SEC22A: variants seen among roughly 807,000 people sequenced by gnomAD.
SEC22A encodes the protein SEC22 homolog A, vesicle trafficking protein.
A neutral mutation model predicts 35.3 loss-of-function variants in SEC22A; 22 were observed. That is an observed-to-expected ratio of 0.62 (90% confidence interval 0.45 to 0.89). The LOEUF is 0.89. Among genes scored for constraint, SEC22A ranks in the 40% least tolerant of loss-of-function variants. SEC22A has a pLI of 0.00. For synonymous variants in SEC22A, 119 were observed against 129.5 expected (o/e 0.92, Z 0.55); for missense variants, 354 against 362.5 (o/e 0.98, Z 0.19).
intron 5 of SEC22A, among the ~76,000 whole-genome samples, chr3:123,258,475 T>G (rs1288898804): frequency 1.3e-5 from 2 of 152,154 alleles, no homozygotes; most frequent in Non-Finnish European, 2.9e-5. Flanking sequence ...GTTTTAGAAT[T>G]ATTAAACTGG....
At chr3:123,228,351 G>A (rs1235845527) in intron 4 of SEC22A, among the ~76,000 whole-genome samples, 1 of 150,940 alleles carries the variant, frequency 6.6e-6, no homozygotes, top group Non-Finnish European at 1.5e-5. Flanking sequence ...GATCTCCTGG[G>A]GTTGGGAGTT....
rs776273031 is a variant in SEC22A at position 123,225,280 on chromosome 3, C to G, written c.524C>G (p.Ala175Gly). ...GCATTTTCTGTTGACTGTAAAGGTG[C>G]TGGTAAGATTTCTTCTGGTGAGTTC... ...TSAFSVDCKG[A>G]GKISSAHQRL... The change falls in exon 4 of 7, where the codon GCT (alanine) becomes GGT (glycine). Residue 175 changes from alanine (A) to glycine (G), a missense_variant. Coordinates refer to ENST00000492595, the MANE Select transcript of SEC22A (RefSeq NM_012430.5). 4.0e-5 allele frequency: 65 copies of G among 1,605,116 alleles called. No individual in the cohort carries two copies. The highest frequency in any genetic ancestry group is 5.4e-5 in the Non-Finnish European group (63 of 1,174,732).
rs1490406250 is a variant in SEC22A, at chr3:123,271,535, T to C, written c.737T>C (p.Val246Ala). 1 of 1,613,244 alleles carries C rather than the reference T, an allele frequency of 6.2e-7. No homozygotes were observed. Among genetic ancestry groups the C allele is most frequent in the East Asian group, 2.2e-5 (1 of 44,888 alleles). ...AACLYQCYLL[V>A]YYTGWRNVKS... The stretch of plus-strand genomic sequence containing the variant: ...TATTTTGAACAGTGTTATTTACTTG[T>C]CTACTACACCGGCTGGCGGAATGTC... The change falls in exon 7 of 7, where the codon GTC (valine) becomes GCC (alanine). Residue 246 changes from valine (V) to alanine (A), a missense_variant. By Grantham distance (64) the Val-to-Ala change is moderately conservative. Transcript: ENST00000492595.
chr3:123,256,901 A>G (rs1290608071), intron 5 of SEC22A, among the ~76,000 whole-genome samples: 2 of 151,704 alleles, frequency 1.3e-5, no homozygotes, highest in East Asian at 3.9e-4. Flanking sequence ...CTGGGACTAC[A>G]GGTGCCCGCC....
chr3:123,222,015 C>T lies in SEC22A; in HGVS notation c.183-1544C>T, dbSNP rs6801279. Among the ~76,000 whole-genome samples, 1,349 of 152,132 alleles carry T rather than the reference C, an allele frequency of 8.9e-3. 11 individuals carry two copies. The highest frequency in any genetic ancestry group is 0.031 in the African/African-American group (1,266 of 41,498). Reference sequence around the variant, plus strand: ...AAATTAGGGATATTCTCTTACTTAACCACAGTACACATATCAGCCTCAGTA... The same window carrying T: ...AAATTAGGGATATTCTCTTACTTAATCACAGTACACATATCAGCCTCAGTA... On this transcript the variant is annotated intron_variant, in intron 2 of 6. Coordinates refer to ENST00000492595, the MANE Select transcript of SEC22A (RefSeq NM_012430.5).
At chr3:123,206,749 A>G (rs1936861012) in intron 1 of SEC22A, among the ~76,000 whole-genome samples, 1 of 152,194 alleles carries the variant, frequency 6.6e-6, no homozygotes, top group Admixed American at 6.5e-5. Context: ...TGAAGACTCC[A>G]CTGTAGTAAA....
chr3:123,230,199 T>C (rs761405395), intron 4 of SEC22A, among the ~76,000 whole-genome samples: 2 of 152,108 alleles, frequency 1.3e-5, no homozygotes, highest in Non-Finnish European at 2.9e-5. Flanking sequence ...TAAAAAGTGA[T>C]CATATAAAAC....
chr3:123,225,356 C>A, intron 4 of SEC22A, 59 bp downstream of exon 4: 2 of 1,051,276 alleles, frequency 1.9e-6, no homozygotes, highest in Non-Finnish European at 1.4e-6. Context: ...AACTGAGAAA[C>A]TCTTGAAAAT....
intron 4 of SEC22A, chr3:123,243,962 A>T (rs9289215): frequency 6.6e-6 from 1 of 151,952 alleles, no homozygotes; most frequent in Non-Finnish European, 1.5e-5. Flanking sequence ...AACTGACCAG[A>T]TGACACTGCT....
chr3:123,235,928 A>G (rs1250424347), intron 4 of SEC22A, among the ~76,000 whole-genome samples: 1 of 152,216 alleles, frequency 6.6e-6, no homozygotes, highest in Non-Finnish European at 1.5e-5. Context: ...ATTATGCTAA[A>G]TAAAAGAAGT....
intron 4 of SEC22A, among the ~76,000 whole-genome samples, chr3:123,238,420 A>G (rs1480944386): frequency 2.0e-5 from 3 of 151,862 alleles, no homozygotes; most frequent in African/African-American, 7.3e-5. Context: ...CTGGCCTCGA[A>G]CTCCTGACCT....
intron 6 of SEC22A, 51 bp downstream of exon 6, chr3:123,259,640 G>T: frequency 1.7e-6 from 2 of 1,204,258 alleles, no homozygotes; most frequent in Non-Finnish European, 2.4e-6. Flanking sequence ...GTTTACTTCG[G>T]GTATCAGTTC....
In SEC22A at chr3:123,271,835, C is replaced by T. The variant is rs1938173581; in HGVS notation, c.*113C>T. On this transcript the variant is annotated 3_prime_UTR_variant, in exon 7 of 7. Coordinates refer to ENST00000492595, the MANE Select transcript of SEC22A (RefSeq NM_012430.5). The stretch of plus-strand genomic sequence containing the variant: ...ACAGAGGAGAAGCTCTGCTTTCTTT[C>T]TCTCCAACTTTCCTTTTTTAAAATC... 3.4e-6 allele frequency: 3 copies of T among 872,884 alleles called. No homozygotes were observed. In the East Asian group the frequency reaches 7.9e-5, roughly 23 times the overall value. The allele number at this position is 872,884 out of a possible 1,614,324, so 54.1% of individuals were successfully genotyped here.
At chr3:123,222,358 C>G (rs2108045519) in intron 2 of SEC22A, among the ~76,000 whole-genome samples, 1 of 152,078 alleles carries the variant, frequency 6.6e-6, no homozygotes. Flanking sequence ...ACCACCATGC[C>G]CAGTTAATTT....
intron 4 of SEC22A, among the ~76,000 whole-genome samples, chr3:123,226,313 C>T (rs1340947588): frequency 1.3e-5 from 2 of 152,154 alleles, no homozygotes; most frequent in Non-Finnish European, 2.9e-5. Flanking sequence ...AATTTACATC[C>T]CCACCAACAG....
chr3:123,215,305 T>G (rs1937002358), intron 2 of SEC22A, among the ~76,000 whole-genome samples: 3 of 152,190 alleles, frequency 2.0e-5, no homozygotes. Context: ...AGATAGATAC[T>G]CTCTACGACT....
At chr3:123,268,928 C>G (rs774292153) in intron 6 of SEC22A, among the ~76,000 whole-genome samples, 6 of 152,140 alleles carry the variant, frequency 3.9e-5, no homozygotes, top group Non-Finnish European at 7.3e-5. Context: ...GCAAGTACCA[C>G]AATCTGGATT....
chr3:123,218,922 G>A (rs2108040650), intron 2 of SEC22A, among the ~76,000 whole-genome samples: 1 of 152,288 alleles, frequency 6.6e-6, no homozygotes, highest in South Asian at 2.1e-4. Flanking sequence ...CTCTCATGGA[G>A]TGTGTATATT....
chr3:123,225,795 T>C (rs924030918), intron 4 of SEC22A, among the ~76,000 whole-genome samples: 2 of 152,178 alleles, frequency 1.3e-5, no homozygotes, highest in Admixed American at 1.3e-4. Flanking sequence ...TCTTATTCAT[T>C]TTAGCTAACT....
Sources: allele counts gnomAD v4.1 joint callset (sites outside exome capture counted in the v4.1 genomes callset), GRCh38; gene constraint gnomAD v4.1.1; transcripts MANE v1.5; gene names NCBI Gene and HGNC (gene_info 2026-07-23, HGNC 2026-07-21).